KSR1: variants seen among roughly 807,000 people sequenced by gnomAD.
The protein encoded by KSR1 is kinase suppressor of ras.
A neutral mutation model predicts 92.9 loss-of-function variants in KSR1; 35 were observed. That is an observed-to-expected ratio of 0.38 (90% CI 0.29 to 0.50). KSR1 has a LOEUF of 0.50. Ranked by LOEUF, KSR1 falls within the 20% of genes least tolerant of loss-of-function variation. The pLI, the probability that KSR1 is intolerant of heterozygous loss-of-function variation, is 0.94. For missense variants in KSR1, 972 were observed against 1,158.5 expected (o/e 0.84, Z 2.34); for synonymous variants, 467 against 472.6 (o/e 0.99, Z 0.15).
intron 1 of KSR1, among the ~76,000 whole-genome samples, chr17:27,548,327 A>T (rs1033706709): frequency 1.3e-5 from 2 of 152,152 alleles, no homozygotes; most frequent in Non-Finnish European, 2.9e-5. Context: ...AAAAGGGTCT[A>T]TGGCCCCAAA....
intron 11 of KSR1, among the ~76,000 whole-genome samples, chr17:27,601,685 A>G (rs923593993): frequency 1.3e-5 from 2 of 152,254 alleles, no homozygotes; most frequent in Non-Finnish European, 2.9e-5. Context: ...TCACACTGCT[A>G]GGAGATGGCA....
At position 27,538,013 on chromosome 17, in the gene KSR1, A is replaced by T. The variant is rs186858924; in HGVS notation, c.232-12555A>T. On this transcript the variant is annotated intron_variant, in intron 1 of 20. Transcript: ENST00000644974. ...AAAGATTGTTAAGTTGGACTTCATA[A>T]AAATTAGCTGCTCTTCGAGATTTAA... 2.0e-5 allele frequency among the ~76,000 whole-genome samples: 3 copies of T among 152,340 alleles called. No individual in the cohort carries two copies. In the East Asian group the frequency reaches 5.8e-4, roughly 29 times the overall value.
intron 14 of KSR1, among the ~76,000 whole-genome samples, chr17:27,606,804 AAAGT>A (rs1567883293): frequency 6.6e-6 from 1 of 152,112 alleles, no homozygotes; most frequent in African/African-American, 2.4e-5. Context: ...AAAAAAAAAA[AAAGT>A]AGTTAATGAA....
chr17:27,590,038 T>C (rs539871298), intron 6 of KSR1, among the ~76,000 whole-genome samples: 1 of 152,340 alleles, frequency 6.6e-6, no homozygotes, highest in Admixed American at 6.5e-5. Flanking sequence ...TAGAGCAAAA[T>C]GCACAAGTGT....
intron 19 of KSR1, among the ~76,000 whole-genome samples, chr17:27,619,486 C>T (rs2074157031): frequency 6.6e-6 from 1 of 151,660 alleles, no homozygotes; most frequent in Admixed American, 6.6e-5. Context: ...TAACCTCCAC[C>T]TCCCGGGTTC....
chr17:27,501,768 G>C (rs2069198612), intron 1 of KSR1, among the ~76,000 whole-genome samples: 1 of 152,230 alleles, frequency 6.6e-6, no homozygotes, highest in South Asian at 2.1e-4. Context: ...CAAAGTGCTG[G>C]GATTACAGGC....
intron 1 of KSR1, among the ~76,000 whole-genome samples, chr17:27,470,060 ATT>A (rs11341091): frequency 9.1e-4 from 125 of 137,522 alleles, no homozygotes; most frequent in South Asian, 4.6e-3. Flanking sequence ...CTGTTCTCCC[ATT>A]TTTTTTTTTT....
In KSR1 at chr17:27,582,989, G is replaced by T; in HGVS notation, c.864G>T (p.Thr288=). 6.4e-7 allele frequency: 1 copy of T among 1,561,944 alleles called. No individual in the cohort carries two copies. Among genetic ancestry groups the T allele is most frequent in the Non-Finnish European group, 8.7e-7 (1 of 1,151,186 alleles). ...ACACCAAGCTGAAGCCACCACGGAC[G>T]CCCCCCCCACCCAGCCGCAAGGTCT... is the stretch of plus-strand genomic sequence containing the variant. ...RRHTKLKPPR[T]PPPPSRKVFQ... The change falls in exon 4 of 21, where the codon ACG becomes ACT. Residue 288 remains threonine (T), a synonymous_variant. Coordinates refer to ENST00000644974, the MANE Select transcript of KSR1 (RefSeq NM_001394583.1).
In KSR1 at chr17:27,573,732, G is replaced by A. The variant is rs192112615; in HGVS notation, c.373-3760G>A. Among the ~76,000 whole-genome samples, 466 of 152,294 alleles carry A rather than the reference G, an allele frequency of 3.1e-3. 2 individuals are homozygous for A. Among genetic ancestry groups the A allele is most frequent in the African/African-American group, 0.01 (436 of 41,560 alleles). ...GAATATTTGGAGGAGGTTTGGAATC[G>A]TGCGCACGTGGGTTTCAATTCTGCT... On this transcript the variant is annotated intron_variant, in intron 2 of 20. Coordinates refer to ENST00000644974, the MANE Select transcript of KSR1 (RefSeq NM_001394583.1).
chr17:27,615,604 C>A (rs1046735211), intron 18 of KSR1, among the ~76,000 whole-genome samples: 1 of 152,212 alleles, frequency 6.6e-6, no homozygotes, highest in Non-Finnish European at 1.5e-5. Context: ...GAATCTGTTA[C>A]ATTCTTTTCA....
intron 1 of KSR1, among the ~76,000 whole-genome samples, chr17:27,538,019 A>G (rs2070814149): frequency 6.6e-6 from 1 of 152,230 alleles, no homozygotes; most frequent in African/African-American, 2.4e-5. Context: ...CATAAAAATT[A>G]GCTGCTCTTC....
chr17:27,527,012 C>T, intron 1 of KSR1: 2 of 507,242 alleles, frequency 3.9e-6, no homozygotes, highest in East Asian at 7.4e-5. Flanking sequence ...AGCCCTTCTT[C>T]AGCTGTTTGA....
intron 18 of KSR1, among the ~76,000 whole-genome samples, chr17:27,613,859 A>G (rs1168934082): frequency 3.3e-5 from 5 of 152,250 alleles, no homozygotes; most frequent in Non-Finnish European, 5.9e-5. Flanking sequence ...GCTGAAGTGC[A>G]GTGGCACGAT....
At chr17:27,495,341 TA>T (rs1369475644) in intron 1 of KSR1, among the ~76,000 whole-genome samples, 1 of 152,180 alleles carries the variant, frequency 6.6e-6, no homozygotes, top group East Asian at 1.9e-4. Flanking sequence ...TGCTTGTCTT[TA>T]TACAAGGCTC....
rs917819573 is a variant in KSR1 at position 27,512,287 on chromosome 17, G to A, written c.232-38281G>A. 3.9e-5 allele frequency among the ~76,000 whole-genome samples: 6 copies of A among 152,178 alleles called. No individual in the cohort carries two copies. The East Asian group carries it at 9.6e-4, about 24-fold the overall frequency. ...TTGGAAAATAGAGATGAATATACTC[G>A]AAGCATCCAGGGAAGGATGAATTGC... On this transcript the variant is annotated intron_variant, in intron 1 of 20. Coordinates refer to ENST00000644974, the MANE Select transcript of KSR1 (RefSeq NM_001394583.1).
intron 1 of KSR1, among the ~76,000 whole-genome samples, chr17:27,522,790 G>C (rs2070095037): frequency 6.6e-6 from 1 of 152,234 alleles, no homozygotes; most frequent in South Asian, 2.1e-4. Context: ...AAAGCAATGG[G>C]TGCACCACTC....
Position 27,611,582 on chromosome 17 carries a change from G to A in KSR1, c.2446G>A (p.Gly816Arg). ...CATCTGGCAGATTGGAAGCGGGGAA[G>A]GAATGAAGCGTGTCCTGACTTCTGT... ...ASIWQIGSGEGMKRVLTSVSL... is the reference protein window; with the variant it reads ...ASIWQIGSGERMKRVLTSVSL... The change falls in exon 18 of 21, where the codon GGA becomes AGA. Residue 816 changes from glycine (G) to arginine (R), a missense_variant. Physicochemically the swap from Gly to Arg is moderately radical, Grantham distance 125. Transcript: ENST00000644974. 3.1e-6 allele frequency: 5 copies of A among 1,613,882 alleles called. No individual in the cohort carries two copies. Among genetic ancestry groups the A allele is most frequent in the Non-Finnish European group, 4.2e-6 (5 of 1,179,800 alleles).
At chr17:27,583,996 A>G (rs2072875126) in intron 4 of KSR1, 1 of 983,544 alleles carries the variant, frequency 1.0e-6, no homozygotes, top group Non-Finnish European at 1.2e-6. Context: ...TGACTTGTTC[A>G]TATTATTTCG....
intron 1 of KSR1, among the ~76,000 whole-genome samples, chr17:27,506,196 G>A (rs951197690): frequency 4.6e-5 from 7 of 152,142 alleles, no homozygotes; most frequent in Non-Finnish European, 1.0e-4. Context: ...TAATAAGGTC[G>A]GTTTTGGGTT....
Sources: gnomAD v4.1 joint callset for allele counts (sites outside exome capture counted in the v4.1 genomes callset) on GRCh38, gnomAD v4.1.1 for gene constraint, MANE v1.5 for transcripts, NCBI Gene and HGNC (gene_info 2026-07-23, HGNC 2026-07-21) for gene names.